NEK10: variants seen among roughly 807,000 people sequenced by gnomAD.
The protein encoded by NEK10 is NIMA related kinase 10.
A neutral mutation model predicts 159.8 loss-of-function variants in NEK10; 122 were observed. The ratio of observed to expected loss-of-function variants is 0.76; its 90% CI spans 0.66 to 0.89. The LOEUF is 0.89. Among genes scored for constraint, NEK10 ranks in the 40% least tolerant of loss-of-function variants. NEK10 has a pLI of 0.00. For missense variants in NEK10, 1,342 were observed against 1,323.1 expected, an observed-to-expected ratio of 1.01 and a Z score of -0.22; for synonymous variants, 466 against 457.1, an observed-to-expected ratio of 1.02 and a Z score of -0.25.
intron 26 of NEK10, among the ~76,000 whole-genome samples, chr3:27,175,222 C>T (rs980096918): frequency 6.6e-6 from 1 of 152,124 alleles, no homozygotes; most frequent in African/African-American, 2.4e-5. Flanking sequence ...ATAAGTAAGG[C>T]TTATTCTCTT....
At chr3:27,232,919 G>C (rs1200725708) in intron 23 of NEK10, among the ~76,000 whole-genome samples, 1 of 151,946 alleles carries the variant, frequency 6.6e-6, no homozygotes. Flanking sequence ...AATCAAGATG[G>C]ATCAAAGACT....
intron 22 of NEK10, among the ~76,000 whole-genome samples, chr3:27,258,268 G>A (rs1426775084): frequency 3.3e-5 from 5 of 151,778 alleles, no homozygotes; most frequent in East Asian, 1.9e-4. Flanking sequence ...TGTGCACAAC[G>A]TGCAAGTTTG....
Position 27,318,568 on chromosome 3 carries a change from G to A in NEK10, c.447+3609C>T, listed in dbSNP as rs186513460. Among the ~76,000 whole-genome samples the A allele has an allele frequency of 3.1e-4, 47 of 152,286 alleles. 1 individual carries two copies. Among genetic ancestry groups the A allele is most frequent in the Middle Eastern group, 3.4e-3 (1 of 294 alleles). ...GTACACATGTTCCATCAGCTGCCAG[G>A]GCCATGATGTCATGAGATGTTGTGT... On this transcript the variant is annotated intron_variant, in intron 6 of 35. Coordinates refer to ENST00000691995, the MANE Select transcript of NEK10 (RefSeq NM_001394966.1).
chr3:27,252,045 A>G (rs1348931343), intron 23 of NEK10, among the ~76,000 whole-genome samples: 1 of 152,198 alleles, frequency 6.6e-6, no homozygotes, highest in Non-Finnish European at 1.5e-5. Context: ...TTAAAAAATG[A>G]CTTGTTTTCA....
intron 22 of NEK10, among the ~76,000 whole-genome samples, chr3:27,261,403 A>T (rs1371008218): frequency 6.6e-6 from 1 of 152,178 alleles, no homozygotes; most frequent in East Asian, 1.9e-4. Context: ...AATGTGTCCC[A>T]GAGATTCTGG....
intron 22 of NEK10, among the ~76,000 whole-genome samples, chr3:27,258,209 A>C (rs1489618038): frequency 6.6e-6 from 1 of 152,102 alleles, no homozygotes; most frequent in Non-Finnish European, 1.5e-5. Context: ...TGCAAATGTC[A>C]TGTATGTATT....
At chr3:27,152,383 C>T (rs1944969004) in intron 30 of NEK10, among the ~76,000 whole-genome samples, 1 of 152,030 alleles carries the variant, frequency 6.6e-6, no homozygotes, top group Admixed American at 6.6e-5. Context: ...ACTTTGTATC[C>T]AACAAAACTA....
intron 23 of NEK10, among the ~76,000 whole-genome samples, chr3:27,226,667 G>T (rs943170635): frequency 6.6e-6 from 1 of 151,920 alleles, no homozygotes; most frequent in African/African-American, 2.4e-5. Context: ...TTTACCATTA[G>T]TTATAAATCT....
chr3:27,250,970 G>A (rs569353146), intron 23 of NEK10, among the ~76,000 whole-genome samples: 1 of 152,154 alleles, frequency 6.6e-6, no homozygotes, highest in Admixed American at 6.5e-5. Context: ...ATTTAAATGA[G>A]TACTATCCTT....
intron 13 of NEK10, among the ~76,000 whole-genome samples, chr3:27,298,328 T>C (rs1379329989): frequency 6.6e-6 from 1 of 152,142 alleles, no homozygotes; most frequent in African/African-American, 2.4e-5. Flanking sequence ...AATGGGAGTT[T>C]CCTTGCACAA....
At chr3:27,117,753 A>C (rs990895298) in intron 33 of NEK10, among the ~76,000 whole-genome samples, 1 of 151,884 alleles carries the variant, frequency 6.6e-6, no homozygotes, top group Non-Finnish European at 1.5e-5. Flanking sequence ...GATTGCAAAA[A>C]TTTTCTCTTT....
intron 31 of NEK10, among the ~76,000 whole-genome samples, chr3:27,140,938 G>C (rs1367169268): frequency 6.6e-6 from 1 of 152,060 alleles, no homozygotes; most frequent in Admixed American, 6.6e-5. Context: ...ATATAACAGA[G>C]CCTTCAAGTT....
chr3:27,256,276 CA>C lies in NEK10; in HGVS notation c.2090+19del. ...TCAGTTAAGTATGATGTTTGAGAGC[CA>C]TAAAAGAATTGTCCTTACCAAGAAT... On this transcript the variant is annotated intron_variant, in intron 23 of 35. Coordinates refer to ENST00000691995, the MANE Select transcript of NEK10 (RefSeq NM_001394966.1). 8.3e-7 allele frequency: 1 copy of C among 1,212,020 alleles called. No homozygotes were observed. The highest frequency in any genetic ancestry group is 1.1e-6 in the Non-Finnish European group (1 of 874,032). 75.1% of individuals were successfully genotyped at this position (1,212,020 alleles called of 1,614,324 possible).
intron 26 of NEK10, among the ~76,000 whole-genome samples, chr3:27,177,289 A>G (rs1028842115): frequency 3.3e-5 from 5 of 152,162 alleles, no homozygotes; most frequent in Non-Finnish European, 5.9e-5. Flanking sequence ...CACTCCTGCA[A>G]TTCCAGCACT....
intron 22 of NEK10, among the ~76,000 whole-genome samples, chr3:27,262,339 T>C (rs2040488815): frequency 6.6e-6 from 1 of 152,200 alleles, no homozygotes; most frequent in Admixed American, 6.5e-5. Flanking sequence ...GGAGTATCTT[T>C]GTGGCGTTCT....
chr3:27,230,726 T>C (rs1953155906), intron 23 of NEK10, among the ~76,000 whole-genome samples: 1 of 152,004 alleles, frequency 6.6e-6, no homozygotes, highest in Admixed American at 6.6e-5. Flanking sequence ...GCAATTCTTA[T>C]ATGAGACAAA....
chr3:27,326,754 G>A (rs552978638), intron 5 of NEK10, among the ~76,000 whole-genome samples: 2 of 152,296 alleles, frequency 1.3e-5, no homozygotes, highest in African/African-American at 4.8e-5. Context: ...GGCCTCTGCT[G>A]CTGTAAATGT....
intron 30 of NEK10, among the ~76,000 whole-genome samples, chr3:27,160,162 T>G (rs1183683028): frequency 6.6e-6 from 1 of 152,208 alleles, no homozygotes; most frequent in Non-Finnish European, 1.5e-5. Flanking sequence ...TTACCTATTT[T>G]TCATAACAAA....
chr3:27,150,410 T>C (rs1944715123), intron 30 of NEK10, among the ~76,000 whole-genome samples: 1 of 152,158 alleles, frequency 6.6e-6, no homozygotes, highest in Admixed American at 6.5e-5. Flanking sequence ...ACGCAACAGG[T>C]AATCTTAGGT....
Sources: gnomAD v4.1 joint callset for allele counts (sites outside exome capture counted in the v4.1 genomes callset) on GRCh38, gnomAD v4.1.1 for gene constraint, MANE v1.5 for transcripts, NCBI Gene and HGNC (gene_info 2026-07-23, HGNC 2026-07-21) for gene names.